RTN4RL1: variants seen among roughly 807,000 people sequenced by gnomAD.
The protein encoded by RTN4RL1 is reticulon 4 receptor like 1, also known as reticulon-4 receptor-like 1.
RTN4RL1 carries 7 observed loss-of-function variants against 25.6 expected under a neutral mutation model. The observed-to-expected ratio is 0.27, with a 90% CI of 0.16 to 0.51. The LOEUF is 0.51. RTN4RL1 is among the 20% of genes least tolerant of loss of function. The probability of loss-of-function intolerance (pLI) is 0.97; values close to 1 mark genes in which losing one functional copy is unlikely to be tolerated. For missense variants in RTN4RL1, 500 were observed against 615.6 expected, an observed-to-expected ratio of 0.81 and a Z score of 1.99; for synonymous variants, 297 against 288.2, an observed-to-expected ratio of 1.03 and a Z score of -0.31.
At chr17:1,945,889 G>A (rs1027193535) in intron 1 of RTN4RL1, among the ~76,000 whole-genome samples, 7 of 152,250 alleles carry the variant, frequency 4.6e-5, no homozygotes, top group African/African-American at 1.4e-4. Context: ...CAGGGGGACT[G>A]AGAGATGCTG....
At chr17:2,010,823 G>A (rs943259687) in intron 1 of RTN4RL1, among the ~76,000 whole-genome samples, 36 of 152,212 alleles carry the variant, frequency 2.4e-4, no homozygotes, top group African/African-American at 8.7e-4. Context: ...CTGGGTTCGA[G>A]TGATCCTCCC....
chr17:1,965,403 C>T (rs952795803), intron 1 of RTN4RL1, among the ~76,000 whole-genome samples: 1 of 152,194 alleles, frequency 6.6e-6, no homozygotes, highest in Non-Finnish European at 1.5e-5. Flanking sequence ...TGAGCCACTG[C>T]GCCCAGTCCA....
chr17:1,981,693 G>A (rs1452272903), intron 1 of RTN4RL1, among the ~76,000 whole-genome samples: 1 of 152,158 alleles, frequency 6.6e-6, no homozygotes, highest in Admixed American at 6.6e-5. Flanking sequence ...CACTGCCCTG[G>A]GAGCTGTGTG....
At chr17:1,981,685 C>T (rs2066868030) in intron 1 of RTN4RL1, among the ~76,000 whole-genome samples, 1 of 152,212 alleles carries the variant, frequency 6.6e-6, no homozygotes, top group Non-Finnish European at 1.5e-5. Context: ...CTGGTACACA[C>T]TGCCCTGGGA....
rs1269437717 is a variant in RTN4RL1 at position 1,998,233 on chromosome 17, T to C, written c.13+26620A>G. On this transcript the variant is annotated intron_variant, in intron 1 of 1. Coordinates refer to ENST00000331238, the MANE Select transcript of RTN4RL1 (RefSeq NM_178568.4). This position sits in a 1 kb window ranked among gnomAD's most constrained non-coding sequence, Gnocchi z 4.9. ...GGAGGGGCGGGGAGGGCTGTCGCATTGATCCGGAGCTGCAGGGCGAGGGCG... is the reference window on the plus strand; with the variant it reads ...GGAGGGGCGGGGAGGGCTGTCGCATCGATCCGGAGCTGCAGGGCGAGGGCG... Among the ~76,000 whole-genome samples, 1 of 152,098 alleles carries C rather than the reference T, an allele frequency of 6.6e-6. No homozygotes were observed. Among genetic ancestry groups the C allele is most frequent in the Non-Finnish European group, 1.5e-5 (1 of 67,992 alleles).
rs147044210 is a variant in RTN4RL1 at position 1,987,162 on chromosome 17, C to A, written c.13+37691G>T. Among the ~76,000 whole-genome samples the A allele has an allele frequency of 5.1e-3, 777 of 152,284 alleles. 6 individuals are homozygous for A. Among genetic ancestry groups the A allele is most frequent in the African/African-American group, 0.018 (745 of 41,546 alleles). Reference sequence around the variant, plus strand: ...TGTTCCCCTCCTTTTAGCCACAGAACCCTGCTTTTCCTTTGGGAGAGCCGG... The same window carrying A: ...TGTTCCCCTCCTTTTAGCCACAGAAACCTGCTTTTCCTTTGGGAGAGCCGG... On this transcript the variant is annotated intron_variant, in intron 1 of 1. Coordinates refer to ENST00000331238, the MANE Select transcript of RTN4RL1 (RefSeq NM_178568.4).
chr17:1,953,752 G>A (rs906513319), intron 1 of RTN4RL1, among the ~76,000 whole-genome samples: 3 of 152,028 alleles, frequency 2.0e-5, no homozygotes, highest in African/African-American at 7.2e-5. Flanking sequence ...TTTAGTAGAG[G>A]CGGGGTTTCA....
chr17:1,967,078 G>A (rs987727978), intron 1 of RTN4RL1, among the ~76,000 whole-genome samples: 14 of 151,626 alleles, frequency 9.2e-5, no homozygotes, highest in African/African-American at 3.4e-4. Flanking sequence ...AGGCTAAAGT[G>A]GGCAGGGAGG....
At chr17:1,939,802 GA>G (rs1915403653) in intron 1 of RTN4RL1, among the ~76,000 whole-genome samples, 1 of 152,146 alleles carries the variant, frequency 6.6e-6, no homozygotes, top group African/African-American at 2.4e-5. Context: ...CAGGCGCGCC[GA>G]GGTTGGGGGG....
At chr17:1,977,465 C>G (rs1029488109) in intron 1 of RTN4RL1, among the ~76,000 whole-genome samples, 1 of 152,148 alleles carries the variant, frequency 6.6e-6, no homozygotes, top group Admixed American at 6.5e-5. Context: ...AGGTCCCCAT[C>G]CCCCTGAGGA....
At chr17:1,990,792 G>A (rs1246195893) in intron 1 of RTN4RL1, among the ~76,000 whole-genome samples, 1 of 152,168 alleles carries the variant, frequency 6.6e-6, no homozygotes, top group Admixed American at 6.5e-5. Context: ...CTACAGATGC[G>A]CTTCTGAGTC....
chr17:2,022,360 C>A (rs900051199), intron 1 of RTN4RL1, among the ~76,000 whole-genome samples: 1 of 152,058 alleles, frequency 6.6e-6, no homozygotes, highest in Non-Finnish European at 1.5e-5. Context: ...CTCTGTTGCC[C>A]GAGCTGGCCT....
intron 1 of RTN4RL1, chr17:2,019,732 A>T (rs576556194): frequency 6.6e-6 from 1 of 152,300 alleles, no homozygotes; most frequent in South Asian, 2.1e-4. Flanking sequence ...GAGGCCAGAA[A>T]CTCTGAAGTT....
intron 1 of RTN4RL1, among the ~76,000 whole-genome samples, chr17:1,997,859 AC>A (rs1325749558): frequency 6.6e-6 from 1 of 151,192 alleles, no homozygotes; most frequent in Non-Finnish European, 1.5e-5. Context: ...CAGACCCCCG[AC>A]CCCAGCTGAC....
At position 2,001,031 on chromosome 17, in the gene RTN4RL1, A is replaced by G. The variant is rs1366098255; in HGVS notation, c.13+23822T>C. The stretch of plus-strand genomic sequence containing the variant: ...GTCTGAGAATCACTTGATAAAGATA[A>G]CAATAATAATGTTTTTCATTTACTT... On this transcript the variant is annotated intron_variant, in intron 1 of 1. Transcript: ENST00000331238. Among the ~76,000 whole-genome samples the G allele has an allele frequency of 2.0e-5, 3 of 149,346 alleles. No individual in the cohort carries two copies. In the East Asian group the frequency reaches 5.9e-4, roughly 29 times the overall value.
chr17:2,013,769 A>C (rs9897320), intron 1 of RTN4RL1, among the ~76,000 whole-genome samples: 11 of 72,454 alleles, frequency 1.5e-4, no homozygotes, highest in African/African-American at 5.4e-4. Flanking sequence ...TAAATACCCC[A>C]GCTCCCTCAC....
chr17:1,978,627 G>A (rs2066853598), intron 1 of RTN4RL1, among the ~76,000 whole-genome samples: 1 of 73,714 alleles, frequency 1.4e-5, no homozygotes, highest in African/African-American at 4.9e-5. Flanking sequence ...TTGCTCATCC[G>A]GAAAATGGGG....
chr17:1,955,949 TAC>T (rs1368983367), intron 1 of RTN4RL1, among the ~76,000 whole-genome samples: 6 of 152,140 alleles, frequency 3.9e-5, no homozygotes, highest in Non-Finnish European at 7.4e-5. Context: ...GAAAAATCAC[TAC>T]AGTCCCATTA....
At chr17:2,018,236 A>C (rs2067152055) in intron 1 of RTN4RL1, 1 of 152,492 alleles carries the variant, frequency 6.6e-6, no homozygotes, top group South Asian at 2.1e-4. Flanking sequence ...GGGAGGGCTG[A>C]GATCCCAAGC....
Sources: allele counts gnomAD v4.1 joint callset (sites outside exome capture counted in the v4.1 genomes callset), GRCh38; gene constraint gnomAD v4.1.1; non-coding constraint Gnocchi (gnomAD v3.1); transcripts MANE v1.5; gene names NCBI Gene and HGNC (gene_info 2026-07-23, HGNC 2026-07-21).